BPHL: variants seen among roughly 807,000 people sequenced by gnomAD.
BPHL encodes serine hydrolase BPHL.
BPHL carries 27 observed loss-of-function variants against 31.2 expected under a neutral mutation model. That is an observed-to-expected ratio of 0.87 (90% CI 0.64 to 1.19). The LOEUF is 1.19. Ranked by LOEUF, BPHL falls within the 50% of genes most tolerant of loss-of-function variation. The pLI is 0.00. For missense variants in BPHL, 356 were observed against 375.7 expected (o/e 0.95, Z 0.43); for synonymous variants, 150 against 146.8 (o/e 1.02, Z -0.16).
At position 3,140,099 on chromosome 6, in the gene BPHL, G is replaced by T. The variant is rs1762130125; in HGVS notation, c.665-287G>T. 5 of 417,836 alleles carry T rather than the reference G, an allele frequency of 1.2e-5. 1 individual carries two copies. The South Asian group carries it at 1.4e-4, about 11-fold the overall frequency. The allele number at this position is 417,836 out of a possible 1,614,324, so 25.9% of individuals were successfully genotyped here. On this transcript the variant is annotated intron_variant, in intron 5 of 6. Coordinates refer to ENST00000380379, the MANE Select transcript of BPHL (RefSeq NM_004332.4). The surrounding 1 kb of genome is among the most constrained non-coding windows in gnomAD (Gnocchi z 5.2). Reference sequence around the variant, plus strand: ...CGCCACTGTGGAATATAGTGGTGGGGTGTTTATTTGATTTTCCTACTATTT... The same window carrying T: ...CGCCACTGTGGAATATAGTGGTGGGTTGTTTATTTGATTTTCCTACTATTT...
intron 1 of BPHL, among the ~76,000 whole-genome samples, chr6:3,122,282 AAAAT>A (rs1761598377): frequency 6.6e-6 from 1 of 152,206 alleles, no homozygotes; most frequent in Non-Finnish European, 1.5e-5. Flanking sequence ...TCCATCTCAA[AAAAT>A]AAATAAATAA....
At chr6:3,131,540 T>A (rs1438283416) in intron 4 of BPHL, among the ~76,000 whole-genome samples, 2 of 152,196 alleles carry the variant, frequency 1.3e-5, no homozygotes, top group African/African-American at 4.8e-5. Context: ...GGTAGTTTGT[T>A]CTCCATAGGA....
At chr6:3,129,807 T>G (rs372393514) in intron 4 of BPHL, among the ~76,000 whole-genome samples, 82 of 140,606 alleles carry the variant, frequency 5.8e-4, no homozygotes, top group African/African-American at 2.4e-3. Context: ...TCTTTGAGGT[T>G]TTTTTTTTTT....
chr6:3,128,950 C>T (rs1045645328), intron 3 of BPHL, 95 bp from the exon 4 acceptor site: 1 of 1,560,842 alleles, frequency 6.4e-7, no homozygotes, highest in Non-Finnish European at 8.8e-7. Flanking sequence ...ATACTCCAGC[C>T]TCACACCTGT....
intron 4 of BPHL, among the ~76,000 whole-genome samples, chr6:3,131,056 G>A (rs1159203786): frequency 1.3e-5 from 2 of 151,878 alleles, no homozygotes; most frequent in Admixed American, 1.3e-4. Context: ...CTCTCCACTG[G>A]GTCAGTCCTC....
At chr6:3,122,121 T>C (rs1761592388) in intron 1 of BPHL, among the ~76,000 whole-genome samples, 2 of 151,682 alleles carry the variant, frequency 1.3e-5, no homozygotes, top group Non-Finnish European at 2.9e-5. Context: ...CTACTAAAAA[T>C]ACAAAAAAAT....
chr6:3,123,855 G>A, intron 2 of BPHL, 95 bp downstream of exon 2: 1 of 1,029,580 alleles, frequency 9.7e-7, no homozygotes, highest in Non-Finnish European at 1.4e-6. Flanking sequence ...TAATTTTAGT[G>A]CTTTTTTGAA....
intron 1 of BPHL, among the ~76,000 whole-genome samples, chr6:3,120,008 G>A (rs1398518563): frequency 2.0e-5 from 3 of 152,032 alleles, no homozygotes; most frequent in African/African-American, 4.8e-5. Flanking sequence ...GAAAGGCATC[G>A]AAATAAGTTA....
chr6:3,121,789 C>G (rs1198542429), intron 1 of BPHL, among the ~76,000 whole-genome samples: 1 of 152,140 alleles, frequency 6.6e-6, no homozygotes, highest in Admixed American at 6.5e-5. Flanking sequence ...TATTACTACC[C>G]AATTCTGTCT....
At chr6:3,123,858 T>G (rs948021421) in intron 2 of BPHL, 98 bp downstream of exon 2, 11 of 1,001,288 alleles carry the variant, frequency 1.1e-5, no homozygotes, top group Non-Finnish European at 1.6e-5. Context: ...TTTTAGTGCT[T>G]TTTTGAAATG....
At chr6:3,137,960 T>C (rs1534998) in intron 5 of BPHL, 859,094 of 1,260,096 alleles carry the variant, frequency 0.68, 296,622 homozygotes, top group African/African-American at 0.93. Flanking sequence ...GAAAATATTC[T>C]GTTTTTTCCA....
Position 3,127,286 on chromosome 6 carries a change from A to G in BPHL, c.256A>G (p.Lys86Glu). Reference sequence around the variant, plus strand: ...TGGACCTCAGCTCAAGAACCTCAATAAGAAGCTCTTCACGGTGGTCGCCTG... The same window carrying G: ...TGGACCTCAGCTCAAGAACCTCAATGAGAAGCTCTTCACGGTGGTCGCCTG... Reference protein sequence around the residue: ...DFGPQLKNLNKKLFTVVAWDP... With the variant: ...DFGPQLKNLNEKLFTVVAWDP... The change falls in exon 3 of 7, where the codon AAG becomes GAG. Residue 86 changes from lysine to glutamate, a missense_variant. Coordinates refer to ENST00000380379, the MANE Select transcript of BPHL (RefSeq NM_004332.4). 3 of 1,599,570 alleles carry G rather than the reference A, an allele frequency of 1.9e-6. No individual in the cohort carries two copies. Among genetic ancestry groups the G allele is most frequent in the Non-Finnish European group, 2.6e-6 (3 of 1,171,424 alleles).
chr6:3,123,874 A>C, intron 2 of BPHL, 114 bp downstream of exon 2: 2 of 863,738 alleles, frequency 2.3e-6, no homozygotes, highest in Non-Finnish European at 3.4e-6. Context: ...AAATGTTTTC[A>C]TATTTGCTAC....
chr6:3,128,932 A>T, intron 3 of BPHL, 113 bp from the exon 4 acceptor site: 1 of 1,492,620 alleles, frequency 6.7e-7, no homozygotes. Context: ...TTCTTTTCTG[A>T]CTAATTGATA....
At chr6:3,150,485 G>A (rs2113780993) in intron 6 of BPHL, among the ~76,000 whole-genome samples, 2 of 152,336 alleles carry the variant, frequency 1.3e-5, no homozygotes, top group Middle Eastern at 3.4e-3. Flanking sequence ...CTTTCTGAAG[G>A]TGCCACATGC....
At chr6:3,146,534 TTGGGTCGAGTGCTGGTTTGGGTCG>T (rs1561801338) in intron 6 of BPHL, among the ~76,000 whole-genome samples, 11 of 13,342 alleles carry the variant, frequency 8.2e-4, no homozygotes, top group African/African-American at 1.4e-3. Flanking sequence ...GAGTGCTGGT[TTGGGTCGAGTGCTGGTTTGGGTCG>T]GGAGTGCTGG....
At chr6:3,138,313 C>T (rs1762070879) in intron 5 of BPHL, 2 of 181,672 alleles carry the variant, frequency 1.1e-5, no homozygotes, top group Non-Finnish European at 2.3e-5. Context: ...ACACCATGCC[C>T]AGCCTCCTAT....
chr6:3,132,061 GTCTC>G (rs377250203), intron 4 of BPHL, among the ~76,000 whole-genome samples: 1 of 152,160 alleles, frequency 6.6e-6, no homozygotes, highest in Non-Finnish European at 1.5e-5. Flanking sequence ...GAAAGCAAGA[GTCTC>G]TCAGTAGCGC....
chr6:3,130,491 G>A (rs1323132891), intron 4 of BPHL, among the ~76,000 whole-genome samples: 1 of 152,078 alleles, frequency 6.6e-6, no homozygotes, highest in Non-Finnish European at 1.5e-5. Context: ...ACCCCCACCT[G>A]CCAGCCTGGC....
Sources: allele counts gnomAD v4.1 joint callset (sites outside exome capture counted in the v4.1 genomes callset), GRCh38; gene constraint gnomAD v4.1.1; non-coding constraint Gnocchi (gnomAD v3.1); transcripts MANE v1.5; gene names NCBI Gene and HGNC (gene_info 2026-07-23, HGNC 2026-07-21).